KANK1: variants seen among roughly 807,000 people sequenced by gnomAD.
KANK1 encodes the protein KN motif and ankyrin repeat domains 1.
A neutral mutation model predicts 106.2 loss-of-function variants in KANK1; 109 were observed. That is an observed-to-expected ratio of 1.03 (90% CI 0.88 to 1.20). The LOEUF (loss-of-function observed/expected upper bound fraction) is 1.20. Ranked by LOEUF, KANK1 falls within the 50% of genes most tolerant of loss-of-function variation. KANK1 has a pLI of 0.00. For missense variants in KANK1, 2,399 were observed against 1,710.7 expected (o/e 1.40, Z -7.10); for synonymous variants, 873 against 652.2 (o/e 1.34, Z -5.16).
intron 1 of KANK1, among the ~76,000 whole-genome samples, chr9:605,507 GTCC>G (rs1828881551): frequency 6.6e-6 from 1 of 151,670 alleles, no homozygotes; most frequent in Non-Finnish European, 1.5e-5. Context: ...AACCAGTGAA[GTCC>G]TCCTGCTGTA....
rs186135452 is a variant in KANK1 at position 510,360 on chromosome 9, C to T, written c.-84+5606C>T. Among the ~76,000 whole-genome samples, 343 of 152,182 alleles carry T rather than the reference C, an allele frequency of 2.3e-3. 2 individuals are homozygous for T. Among genetic ancestry groups the T allele is most frequent in the African/African-American group, 7.8e-3 (325 of 41,508 alleles). On this transcript the variant is annotated intron_variant, in intron 1 of 11. Coordinates refer to ENST00000382297, the MANE Select transcript of KANK1 (RefSeq NM_015158.5). ...ATCATACCATTAAGTAGTTGATTGT[C>T]CAGAAATTATATCTAATAATTAAAA...
rs770484304 is a variant in KANK1 at position 738,364 on chromosome 9, A to G, written c.3413A>G (p.Asp1138Gly). The change falls in exon 8 of 12, where the codon GAC (aspartate) becomes GGC (glycine). Residue 1138 changes from aspartate (D) to glycine (G), a missense_variant. Asp to Gly is a moderately conservative substitution (Grantham distance 94, BLOSUM62 -1). Coordinates refer to ENST00000382297, the MANE Select transcript of KANK1 (RefSeq NM_015158.5). ...TCAGCCATTCCAGCCATGGTGGGGG[A>G]CTACATAGCTGCTTTTGAGGCCATT... Reference protein sequence around the residue: ...QKSAIPAMVGDYIAAFEAISP... With the variant: ...QKSAIPAMVGGYIAAFEAISP... 3.7e-6 allele frequency: 6 copies of G among 1,613,934 alleles called. No homozygotes were observed. The African/African-American group carries it at 8.0e-5, about 22-fold the overall frequency.
intron 1 of KANK1, among the ~76,000 whole-genome samples, chr9:611,777 G>T (rs1054737603): frequency 1.3e-5 from 2 of 152,070 alleles, no homozygotes; most frequent in Admixed American, 1.3e-4. Flanking sequence ...GGAGTGCAGC[G>T]GTGCAGTCTC....
intron 1 of KANK1, among the ~76,000 whole-genome samples, chr9:671,749 A>G (rs1185441980): frequency 6.6e-6 from 1 of 152,040 alleles, no homozygotes; most frequent in Non-Finnish European, 1.5e-5. Context: ...AACATATTAT[A>G]CCAGCCTGGC....
At chr9:706,973 A>AT in intron 2 of KANK1, 1 of 985,478 alleles carries the variant, frequency 1.0e-6, no homozygotes, top group Non-Finnish European at 1.2e-6. Flanking sequence ...AAGAACACAC[A>AT]TTTTCAGAAG....
At chr9:667,000 A>ATTTT (rs34529109) in intron 1 of KANK1, among the ~76,000 whole-genome samples, 1 of 138,036 alleles carries the variant, frequency 7.2e-6, no homozygotes, top group Non-Finnish European at 1.5e-5. Flanking sequence ...TTCCTCTTCA[A>ATTTT]TTTTTTTTTT....
intron 1 of KANK1, among the ~76,000 whole-genome samples, chr9:546,087 C>G (rs911007130): frequency 1.3e-5 from 2 of 152,112 alleles, no homozygotes; most frequent in African/African-American, 4.8e-5. Flanking sequence ...GTGTGCCTTT[C>G]TGGATGGACA....
At chr9:485,280 GATACA>G (rs1283554619) in intron 3 of KANK1, among the ~76,000 whole-genome samples, 1 of 152,162 alleles carries the variant, frequency 6.6e-6, no homozygotes, top group East Asian at 1.9e-4. Flanking sequence ...GAGTCAGAGT[GATACA>G]AGGAAACTGT....
intron 1 of KANK1, among the ~76,000 whole-genome samples, chr9:590,227 G>T (rs16920607): frequency 0.24 from 36,701 of 151,910 alleles, 4,644 homozygotes; most frequent in Admixed American, 0.33. Flanking sequence ...AGTGAAGACC[G>T]AGTAGCAATA....
At chr9:735,805 C>G in intron 7 of KANK1, 1 of 382,920 alleles carries the variant, frequency 2.6e-6, no homozygotes, top group South Asian at 1.9e-5. Flanking sequence ...ACGAGCTTAG[C>G]CAACATGGTG....
chr9:615,064 C>A (rs112143894), intron 1 of KANK1, among the ~76,000 whole-genome samples: 17 of 151,822 alleles, frequency 1.1e-4, no homozygotes, highest in Non-Finnish European at 1.2e-4. Flanking sequence ...CTCAGCCTTC[C>A]GAGTAGCTGG....
At chr9:671,597 CAG>C (rs980628636) in intron 1 of KANK1, among the ~76,000 whole-genome samples, 35 of 78,880 alleles carry the variant, frequency 4.4e-4, no homozygotes, top group Middle Eastern at 9.3e-3. Context: ...GCCTGGGTGA[CAG>C]AGCGAAACTC....
At chr9:594,207 C>G (rs933092081) in intron 1 of KANK1, among the ~76,000 whole-genome samples, 2 of 151,884 alleles carry the variant, frequency 1.3e-5, no homozygotes, top group Non-Finnish European at 2.9e-5. Context: ...ATAGGCTTAT[C>G]TCCTTGTTTT....
At chr9:608,062 G>A (rs922135323) in intron 1 of KANK1, among the ~76,000 whole-genome samples, 3 of 124,206 alleles carry the variant, frequency 2.4e-5, no homozygotes, top group Non-Finnish European at 3.2e-5. Flanking sequence ...ACGGAGTCTC[G>A]CTCTGTCGCC....
intron 1 of KANK1, among the ~76,000 whole-genome samples, chr9:548,288 G>T (rs1367583874): frequency 2.0e-5 from 3 of 152,086 alleles, no homozygotes; most frequent in Non-Finnish European, 4.4e-5. Flanking sequence ...CAAAAGATCC[G>T]CCAGGGAAGA....
At chr9:716,902 C>G (rs1259520406) in intron 3 of KANK1, among the ~76,000 whole-genome samples, 1 of 151,518 alleles carries the variant, frequency 6.6e-6, no homozygotes, top group Non-Finnish European at 1.5e-5. Context: ...CTCTTGAGCC[C>G]AGGAGGTTGA....
intron 2 of KANK1, among the ~76,000 whole-genome samples, chr9:472,487 T>G (rs1317063069): frequency 1.3e-5 from 2 of 152,184 alleles, no homozygotes; most frequent in East Asian, 3.9e-4. Context: ...AAGTAGGAAA[T>G]GGAGGTCAAG....
In KANK1 at chr9:531,771, A is replaced by G. The variant is rs542605496; in HGVS notation, c.-84+27017A>G. ...ATTTTATTCTGAACTGTGGCAGAAT[A>G]AAACGCCTTCTGGCGTCTGTCCTCA... On this transcript the variant is annotated intron_variant, in intron 1 of 11. Transcript: ENST00000382297. Among the ~76,000 whole-genome samples, 3 of 152,380 alleles carry G rather than the reference A, an allele frequency of 2.0e-5. No individual in the cohort carries two copies. The South Asian group carries it at 6.2e-4, about 32-fold the overall frequency.
chr9:667,433 T>G (rs1844893824), intron 1 of KANK1, among the ~76,000 whole-genome samples: 1 of 152,102 alleles, frequency 6.6e-6, no homozygotes, highest in Non-Finnish European at 1.5e-5. Context: ...CTTTATTATT[T>G]CCTTTCTCCT....
Sources: gnomAD v4.1 joint callset for allele counts (sites outside exome capture counted in the v4.1 genomes callset) on GRCh38, gnomAD v4.1.1 for gene constraint, MANE v1.5 for transcripts, NCBI Gene and HGNC (gene_info 2026-07-23, HGNC 2026-07-21) for gene names.